The following ZNF292 variants were observed in gnomAD, a reference collection of about 807,000 sequenced individuals.
ZNF292 encodes the protein 16 zinc-finger domain protein.
In ZNF292, 26 loss-of-function variants were observed where a neutral mutation model predicts 217.9. That is an observed-to-expected ratio of 0.12 (90% CI 0.09 to 0.17). The LOEUF (loss-of-function observed/expected upper bound fraction) is 0.17. Among genes scored for constraint, ZNF292 ranks in the 10% least tolerant of loss-of-function variants. The pLI, the probability that ZNF292 is intolerant of heterozygous loss-of-function variation, is 1.00. For synonymous variants in ZNF292, 1,257 were observed against 1,124.1 expected, an observed-to-expected ratio of 1.12 and a Z score of -2.37; for missense variants, 2,904 against 3,175.2, an observed-to-expected ratio of 0.91 and a Z score of 2.05.
In ZNF292 at chr6:87,263,300, T is replaced by G. The variant is rs1775697642; in HGVS notation, c.*1499T>G. 2 of 151,984 alleles carry G rather than the reference T, an allele frequency of 1.3e-5. No individual in the cohort carries two copies. Among genetic ancestry groups the G allele is most frequent in the Admixed American group, 1.3e-4 (2 of 15,264 alleles). The allele number at this position is 151,984 out of a possible 1,614,324, so 9.4% of individuals were successfully genotyped here. ...TTCTGTTTGCCGTAAATAGTAACAT[T>G]GTTTTTTTTTATTTTGTGTTTGTTA... On this transcript the variant is annotated 3_prime_UTR_variant, in exon 8 of 8. Transcript: ENST00000369577.
rs777257026 is a variant in ZNF292 at position 87,260,638 on chromosome 6, A to G, written c.7009A>G (p.Lys2337Glu). 8 of 1,612,142 alleles carry G rather than the reference A, an allele frequency of 5.0e-6. No individual in the cohort carries two copies. In the East Asian group the frequency reaches 1.8e-4, roughly 36 times the overall value. Residue 2337 changes from lysine (K) to glutamate (E), a missense_variant, in exon 8 of 8, where the codon AAA becomes GAA. Coordinates refer to ENST00000369577, the MANE Select transcript of ZNF292 (RefSeq NM_015021.3). ...GIKMPKTKRKKKNNLENKNAK... is the reference protein window; with the variant it reads ...GIKMPKTKRKEKNNLENKNAK... ...AAAAATGCCCAAGACCAAACGAAAG[A>G]AAAAAAATAATTTAGAAAACAAGAA...
chr6:87,184,106 A>G (rs534742522), intron 1 of ZNF292, among the ~76,000 whole-genome samples: 5 of 152,250 alleles, frequency 3.3e-5, no homozygotes, highest in South Asian at 4.1e-4. Flanking sequence ...ACTAAAATGC[A>G]TATAACGAAT....
chr6:87,158,908 A>T (rs1387909385), intron 1 of ZNF292, among the ~76,000 whole-genome samples: 1 of 152,256 alleles, frequency 6.6e-6, no homozygotes, highest in Non-Finnish European at 1.5e-5. Flanking sequence ...CACACGCTTC[A>T]AGAAGGCAAA....
Position 87,215,905 on chromosome 6 carries a change from A to G in ZNF292, c.171A>G (p.Thr57=). The change falls in exon 2 of 8, where the codon ACA becomes ACG. Residue 57 remains threonine, a splice_region_variant and synonymous_variant. Transcript: ENST00000369577. ...ATDYCQQLCQ[T]LLEYAEKWKT... is the part of the protein sequence containing the mutation. ...TTTTATTATTCCTTCCAAAACAGAC[A>G]CTCCTAGAATATGCAGAGAAATGGA... The G allele has an allele frequency of 6.3e-7, 1 of 1,577,758 alleles. No individual in the cohort carries two copies. The highest frequency in any genetic ancestry group is 8.6e-7 in the Non-Finnish European group (1 of 1,166,916).
At chr6:87,157,960 CCT>C (rs1395689640) in intron 1 of ZNF292, among the ~76,000 whole-genome samples, 1 of 152,194 alleles carries the variant, frequency 6.6e-6, no homozygotes, top group African/African-American at 2.4e-5. Flanking sequence ...GATCCACCCA[CCT>C]CTGTTTCCCA....
chr6:87,240,842 G>A (rs538520553), intron 5 of ZNF292, among the ~76,000 whole-genome samples: 7 of 152,342 alleles, frequency 4.6e-5, no homozygotes, highest in African/African-American at 1.7e-4. Flanking sequence ...AGCAGCATAT[G>A]AATATATGGC....
intron 4 of ZNF292, among the ~76,000 whole-genome samples, chr6:87,231,898 T>C (rs1773676360): frequency 6.6e-6 from 1 of 152,332 alleles, no homozygotes; most frequent in South Asian, 2.1e-4. Flanking sequence ...CCAGAATAAC[T>C]TTATTATAAC....
intron 1 of ZNF292, among the ~76,000 whole-genome samples, chr6:87,185,806 C>T (rs901810659): frequency 2.0e-5 from 3 of 151,988 alleles, no homozygotes; most frequent in Non-Finnish European, 4.4e-5. Context: ...ATTTTTTAAA[C>T]ATTTGCTAAT....
chr6:87,195,260 TA>T (rs1460541638), intron 1 of ZNF292, among the ~76,000 whole-genome samples: 1 of 152,192 alleles, frequency 6.6e-6, no homozygotes, highest in African/African-American at 2.4e-5. Flanking sequence ...TTTTAGATTA[TA>T]GCAATATGTA....
At chr6:87,173,138 C>T (rs867923797) in intron 1 of ZNF292, among the ~76,000 whole-genome samples, 17 of 151,674 alleles carry the variant, frequency 1.1e-4, no homozygotes, top group African/African-American at 3.9e-4. Flanking sequence ...ATTCTATATA[C>T]AGTAAAATGG....
chr6:87,184,470 C>CTTTTTTTTTTTGT (rs1771574724), intron 1 of ZNF292, among the ~76,000 whole-genome samples: 1 of 115,114 alleles, frequency 8.7e-6, no homozygotes. Flanking sequence ...TTACCATAGG[C>CTTTTTTTTTTTGT]TTTTTTTTTT....
In ZNF292 at chr6:87,258,343, A is replaced by G. The variant is rs772915392; in HGVS notation, c.4714A>G (p.Thr1572Ala). 14 of 1,613,630 alleles carry G rather than the reference A, an allele frequency of 8.7e-6. No homozygotes were observed. Among genetic ancestry groups the G allele is most frequent in the South Asian group, 2.2e-5 (2 of 91,048 alleles). Residue 1572 changes from threonine to alanine, a missense_variant, in exon 8 of 8, where the codon ACG becomes GCG. Physicochemically the swap from Thr to Ala is moderately conservative, Grantham distance 58. Around this residue, in one of 15 missense-constraint regions of ZNF292, gnomAD observed 622 missense variants for 573.1 expected, o/e 1.09. Transcript: ENST00000369577. ...EECSSLPVFP[T>A]NDLLLKTVEN... ...ATGTAGCAGCTTGCCTGTTTTTCCA[A>G]CGAATGACTTACTACTGAAGACTGT...
In ZNF292 at chr6:87,155,583, G is replaced by T; in HGVS notation, c.-9G>T. On this transcript the variant is annotated 5_prime_UTR_variant, in exon 1 of 8. Transcript: ENST00000369577. The stretch of plus-strand genomic sequence containing the variant: ...CCCAGGTGCGTACGCGACGGAGCGG[G>T]GTGTGAAGATGGCGGACGAAGAGGC... 1 of 1,574,614 alleles carries T rather than the reference G, an allele frequency of 6.4e-7. No individual in the cohort carries two copies. Among genetic ancestry groups the T allele is most frequent in the Non-Finnish European group, 8.6e-7 (1 of 1,161,010 alleles).
chr6:87,254,150 G>C (rs971466337), intron 7 of ZNF292, among the ~76,000 whole-genome samples: 1 of 152,058 alleles, frequency 6.6e-6, no homozygotes. Context: ...GGAAATATGG[G>C]GATGTTCTCA....
intron 1 of ZNF292, among the ~76,000 whole-genome samples, chr6:87,183,745 T>C (rs1009721615): frequency 2.0e-5 from 3 of 152,214 alleles, no homozygotes; most frequent in Non-Finnish European, 2.9e-5. Flanking sequence ...ATAACAGTTA[T>C]AAGCAGATAA....
At chr6:87,225,275 T>C (rs1363164334) in intron 4 of ZNF292, among the ~76,000 whole-genome samples, 1 of 152,182 alleles carries the variant, frequency 6.6e-6, no homozygotes, top group Non-Finnish European at 1.5e-5. Flanking sequence ...TTTTCAGATA[T>C]GTGTTTTGCA....
chr6:87,204,303 A>G (rs1195282847), intron 1 of ZNF292, among the ~76,000 whole-genome samples: 1 of 152,188 alleles, frequency 6.6e-6, no homozygotes, highest in Non-Finnish European at 1.5e-5. Flanking sequence ...AGATTAAATA[A>G]TAGTAATGTA....
At chr6:87,220,158 A>AT (rs903259239) in intron 4 of ZNF292, among the ~76,000 whole-genome samples, 69 of 147,864 alleles carry the variant, frequency 4.7e-4, no homozygotes, top group South Asian at 8.6e-4. Flanking sequence ...AGAATCTTAG[A>AT]TTTTTTTTTT....
At chr6:87,166,175 TCTCC>T (rs2127771059) in intron 1 of ZNF292, among the ~76,000 whole-genome samples, 1 of 152,362 alleles carries the variant, frequency 6.6e-6, no homozygotes, top group East Asian at 1.9e-4. Context: ...CCCATTGCGC[TCTCC>T]CTCCATTGTT....
Sources: gnomAD v4.1 joint callset for allele counts (sites outside exome capture counted in the v4.1 genomes callset) on GRCh38, gnomAD v4.1.1 for gene constraint, gnomAD v4.1.1 regional missense constraint, MANE v1.5 for transcripts, NCBI Gene and HGNC (gene_info 2026-07-23, HGNC 2026-07-21) for gene names.